Variants in PID1 observed in about 807,000 individuals in gnomAD.
The protein encoded by PID1 is PTB-containing, cubilin and LRP1-interacting protein.
PID1 carries 10 observed loss-of-function variants against 19.1 expected under a neutral mutation model. The ratio of observed to expected loss-of-function variants is 0.52; its 90% confidence interval spans 0.32 to 0.89. PID1 has a LOEUF of 0.89. Among genes scored for constraint, PID1 ranks in the 40% least tolerant of loss-of-function variants. The pLI is 0.03. For synonymous variants in PID1, 130 were observed against 116.0 expected, an observed-to-expected ratio of 1.12 and a Z score of -0.78; for missense variants, 248 against 285.3, an observed-to-expected ratio of 0.87 and a Z score of 0.94.
At chr2:229,224,268 T>C (rs1366573869) in intron 1 of PID1, among the ~76,000 whole-genome samples, 1 of 152,176 alleles carries the variant, frequency 6.6e-6, no homozygotes, top group Non-Finnish European at 1.5e-5. Context: ...GGAAAGCAGT[T>C]TGGAGATTCG....
chr2:229,232,012 C>T (rs747456911), intron 1 of PID1: 118 of 1,550,128 alleles, frequency 7.6e-5, no homozygotes, highest in Non-Finnish European at 9.9e-5. Flanking sequence ...GGAAGGAATG[C>T]TGTGTCCTCA....
intron 2 of PID1, among the ~76,000 whole-genome samples, chr2:229,141,011 A>T (rs1372792476): frequency 6.6e-6 from 1 of 151,262 alleles, no homozygotes; most frequent in Admixed American, 6.6e-5. Context: ...AGGTCTGCAC[A>T]TTTCCTTCCT....
chr2:229,206,002 C>T (rs1691601754), intron 1 of PID1, among the ~76,000 whole-genome samples: 1 of 152,106 alleles, frequency 6.6e-6, no homozygotes, highest in African/African-American at 2.4e-5. Flanking sequence ...CGTGAGAAAA[C>T]TTGGAGAATG....
intron 1 of PID1, among the ~76,000 whole-genome samples, chr2:229,170,030 CCT>C (rs1173415454): frequency 6.6e-6 from 1 of 152,142 alleles, no homozygotes; most frequent in African/African-American, 2.4e-5. Context: ...CTTCCGAACC[CCT>C]GTCAAGAGCT....
chr2:229,203,243 A>C (rs965943784), intron 1 of PID1, among the ~76,000 whole-genome samples: 1 of 152,128 alleles, frequency 6.6e-6, no homozygotes, highest in Admixed American at 6.6e-5. Flanking sequence ...TAATAGGATC[A>C]GTGTTCAGCT....
chr2:229,091,036 T>G (rs1163016183), intron 2 of PID1, among the ~76,000 whole-genome samples: 1 of 152,198 alleles, frequency 6.6e-6, no homozygotes, highest in African/African-American at 2.4e-5. Context: ...TTCTCCTGTG[T>G]GACATTAAGT....
intron 1 of PID1, among the ~76,000 whole-genome samples, chr2:229,184,332 CAT>C (rs372180651): frequency 0.91 from 24,103 of 26,532 alleles, 11,933 homozygotes; most frequent in Middle Eastern, 1. Flanking sequence ...ATATATATCC[CAT>C]ATATATATCC....
intron 2 of PID1, among the ~76,000 whole-genome samples, chr2:229,043,327 G>A (rs1221413480): frequency 6.6e-6 from 1 of 152,078 alleles, no homozygotes; most frequent in African/African-American, 2.4e-5. Flanking sequence ...TTTTAAGAAG[G>A]GAGAATGATA....
chr2:229,059,865 A>G (rs1438441504), intron 2 of PID1, among the ~76,000 whole-genome samples: 1 of 152,178 alleles, frequency 6.6e-6, no homozygotes, highest in Non-Finnish European at 1.5e-5. Flanking sequence ...GGGATATGAC[A>G]AGGAACAGAG....
At position 229,179,212 on chromosome 2, in the gene PID1, G is replaced by A. The variant is rs759634311; in HGVS notation, c.31-23248C>T. Among the ~76,000 whole-genome samples the A allele has an allele frequency of 7.2e-4, 109 of 152,054 alleles. 1 individual carries two copies. Among genetic ancestry groups the A allele is most frequent in the Non-Finnish European group, 2.4e-4 (16 of 68,030 alleles). On this transcript the variant is annotated intron_variant, in intron 1 of 2. Transcript: ENST00000392055. ...TACAGAGAAGCTGTGAAAGTCCTGG[G>A]TTTCCCACAAGCAGAGGCCAAAGAA...
At chr2:229,059,392 G>A (rs941817562) in intron 2 of PID1, among the ~76,000 whole-genome samples, 4 of 152,184 alleles carry the variant, frequency 2.6e-5, no homozygotes, top group Non-Finnish European at 5.9e-5. Flanking sequence ...TGAAAGCATC[G>A]CTGAATACCT....
chr2:229,235,513 A>G (rs1210508575), intron 1 of PID1, among the ~76,000 whole-genome samples: 2 of 152,112 alleles, frequency 1.3e-5, no homozygotes, highest in Admixed American at 6.5e-5. Flanking sequence ...TTTCTATTAG[A>G]AATCTGTTTA....
intron 2 of PID1, among the ~76,000 whole-genome samples, chr2:229,151,543 C>A (rs1489110084): frequency 6.6e-6 from 1 of 151,642 alleles, no homozygotes; most frequent in Admixed American, 6.6e-5. Flanking sequence ...GTGTTATTGT[C>A]AGTTCTGTGT....
intron 2 of PID1, among the ~76,000 whole-genome samples, chr2:229,150,386 T>C (rs1690226835): frequency 6.6e-6 from 1 of 152,010 alleles, no homozygotes; most frequent in Non-Finnish European, 1.5e-5. Context: ...AGGGCTGACC[T>C]CAGACGCTGA....
chr2:229,175,496 C>T (rs1171625747), intron 1 of PID1, among the ~76,000 whole-genome samples: 3 of 152,212 alleles, frequency 2.0e-5, no homozygotes, highest in Non-Finnish European at 4.4e-5. Context: ...ACAAAAAGTA[C>T]TGCAAGTCTC....
chr2:229,054,100 A>AG (rs61410848), intron 2 of PID1, among the ~76,000 whole-genome samples: 35,371 of 152,098 alleles, frequency 0.23, 7,553 homozygotes, highest in African/African-American at 0.56. Flanking sequence ...GGATATTAAA[A>AG]AAAAAGAGCT....
At position 229,104,442 on chromosome 2, in the gene PID1, T is replaced by C. The variant is rs535101569; in HGVS notation, c.177+51376A>G. ...TGATTTTGAATAACCAACTATATGT[T>C]TTATCTAATTTTTAAAAATACAAAT... On this transcript the variant is annotated intron_variant, in intron 2 of 2. Transcript: ENST00000392055. 2.0e-5 allele frequency among the ~76,000 whole-genome samples: 3 copies of C among 152,328 alleles called. No individual in the cohort carries two copies. In the South Asian group the frequency reaches 6.2e-4, roughly 32 times the overall value.
intron 2 of PID1, among the ~76,000 whole-genome samples, chr2:229,154,248 C>T (rs938350781): frequency 1.3e-5 from 2 of 152,060 alleles, no homozygotes; most frequent in African/African-American, 4.8e-5. Context: ...TCGCCATGAC[C>T]ACAAGACTCT....
At chr2:229,242,738 G>C (rs1689902267) in intron 1 of PID1, among the ~76,000 whole-genome samples, 1 of 152,074 alleles carries the variant, frequency 6.6e-6, no homozygotes, top group African/African-American at 2.4e-5. Flanking sequence ...ACCAATCTGA[G>C]TCATTTGTTA....
Sources: allele counts gnomAD v4.1 joint callset (sites outside exome capture counted in the v4.1 genomes callset), GRCh38; gene constraint gnomAD v4.1.1; transcripts MANE v1.5; gene names NCBI Gene and HGNC (gene_info 2026-07-23, HGNC 2026-07-21).